A2ML1: variants seen among roughly 807,000 people sequenced by gnomAD.
The protein encoded by A2ML1 is alpha-2-macroglobulin-like protein 1.
In A2ML1, 161 loss-of-function variants were observed where a neutral mutation model predicts 181.9. The ratio of observed to expected loss-of-function variants is 0.89; its 90% confidence interval spans 0.78 to 1.01. The LOEUF (loss-of-function observed/expected upper bound fraction) is 1.01, where lower values mean the gene tolerates loss of function less well. Ranked by LOEUF, A2ML1 falls within the 50% of genes least tolerant of loss-of-function variation. A2ML1 has a pLI of 0.00. For missense variants in A2ML1, 1,670 were observed against 1,768.1 expected (o/e 0.94, Z 1.00); for synonymous variants, 663 against 666.8 (o/e 0.99, Z 0.09).
chr12:8,840,998 G>GGAAA (rs1943455270), intron 10 of A2ML1, among the ~76,000 whole-genome samples: 1 of 103,716 alleles, frequency 9.6e-6, no homozygotes, highest in South Asian at 5.3e-4. Flanking sequence ...AAGGAAGGAA[G>GGAAA]GAAGGAAGGA....
chr12:8,828,537 C>T (rs1943004557), intron 3 of A2ML1, among the ~76,000 whole-genome samples: 1 of 152,144 alleles, frequency 6.6e-6, no homozygotes, highest in Non-Finnish European at 1.5e-5. Context: ...CCAGAAATGG[C>T]ATCCAAGAGC....
In A2ML1 at chr12:8,869,219, C is replaced by T; in HGVS notation, c.4221+16C>T. 1.9e-6 allele frequency: 3 copies of T among 1,613,406 alleles called. No individual in the cohort carries two copies. The highest frequency in any genetic ancestry group is 1.1e-5 in the South Asian group (1 of 91,054). ...CTTGGATGAGGTAGGTATTCAGGAA[C>T]CAGATCAAAGAGCTGGATTGCTTAC... On this transcript the variant is annotated intron_variant, in intron 33 of 35. Transcript: ENST00000299698.
downstream of A2ML1, among the ~76,000 whole-genome samples, chr12:8,879,091 C>G (rs1409745177): frequency 1.3e-5 from 2 of 152,116 alleles, no homozygotes; most frequent in Non-Finnish European, 2.9e-5. Flanking sequence ...CCTGGTCCTT[C>G]TAGGAGTTCC....
chr12:8,826,163 A>G (rs112994017), intron 3 of A2ML1, among the ~76,000 whole-genome samples: 4,852 of 152,244 alleles, frequency 0.032, 277 homozygotes, highest in African/African-American at 0.11. Context: ...TGTCATTAGT[A>G]TTCTGATAGG....
Position 8,848,864 on chromosome 12 carries a change from A to T in A2ML1, c.1978A>T (p.Ile660Phe), listed in dbSNP as rs752313895. 6.2e-7 allele frequency: 1 copy of T among 1,614,112 alleles called. No homozygotes were observed. The change falls in exon 16 of 36, where the codon ATC (isoleucine) becomes TTC (phenylalanine). Residue 660 changes from isoleucine (I) to phenylalanine (F), a missense_variant. Coordinates refer to ENST00000299698, the MANE Select transcript of A2ML1 (RefSeq NM_144670.6). ...PQGHSSQRSIIWRPSFSEGTD... is the reference protein window; with the variant it reads ...PQGHSSQRSIFWRPSFSEGTD... ...AGGGCATTCGAGCCAGCGTTCCATT[A>T]TCTGGAGGCCCTCGTTCTCTGAAGG...
At chr12:8,884,450 G>A (rs886823540) in intron 7 of A2ML1, among the ~76,000 whole-genome samples, 1 of 151,608 alleles carries the variant, frequency 6.6e-6, no homozygotes, top group Non-Finnish European at 1.5e-5. Flanking sequence ...AGACTCCAGT[G>A]TCTGTTTTTC....
At chr12:8,842,085 A>G (rs1194164379) in intron 11 of A2ML1, among the ~76,000 whole-genome samples, 1 of 152,250 alleles carries the variant, frequency 6.6e-6, no homozygotes. Context: ...TCGGCTGGCC[A>G]TAAGCTGCTG....
At chr12:8,860,819 G>A in intron 26 of A2ML1, 62 bp from the exon 27 acceptor site, 3 of 1,415,686 alleles carry the variant, frequency 2.1e-6, no homozygotes, top group Non-Finnish European at 2.0e-6. Context: ...TTTGCAATCT[G>A]CACATAATTC....
intron 13 of A2ML1, among the ~76,000 whole-genome samples, chr12:8,845,713 C>G (rs1026248691): frequency 4.0e-5 from 6 of 151,636 alleles, no homozygotes; most frequent in Non-Finnish European, 5.9e-5. Context: ...AGCCGGACGT[C>G]GGGGCGGGCC....
At chr12:8,842,361 G>A (rs1020328634) in intron 11 of A2ML1, among the ~76,000 whole-genome samples, 2 of 151,676 alleles carry the variant, frequency 1.3e-5, no homozygotes, top group Non-Finnish European at 1.5e-5. Context: ...TGGGACTACA[G>A]GCGCCTGCCA....
At chr12:8,832,247 G>T (rs1461721881) in intron 4 of A2ML1, among the ~76,000 whole-genome samples, 1 of 152,058 alleles carries the variant, frequency 6.6e-6, no homozygotes. Context: ...CTGAATGCAG[G>T]GTCTGCAGAA....
intron 29 of A2ML1, among the ~76,000 whole-genome samples, chr12:8,866,356 A>T (rs7966067): frequency 0.48 from 69,592 of 144,630 alleles, 17,378 homozygotes; most frequent in Middle Eastern, 0.57. Flanking sequence ...TATGGTAATG[A>T]CTTAATTGAA....
At chr12:8,858,916 G>T (rs7488933) in intron 26 of A2ML1, among the ~76,000 whole-genome samples, 67,494 of 151,726 alleles carry the variant, frequency 0.44, 15,648 homozygotes, top group East Asian at 0.77. Context: ...ACTCTATTGG[G>T]CACTATTCTA....
intron 7 of A2ML1, among the ~76,000 whole-genome samples, chr12:8,882,882 T>C (rs1459942465): frequency 1.3e-5 from 2 of 152,160 alleles, no homozygotes; most frequent in African/African-American, 4.8e-5. Flanking sequence ...AAAGTTCTAT[T>C]CCTGTTCATG....
At chr12:8,871,828 CCA>C (rs148395607) in intron 33 of A2ML1, among the ~76,000 whole-genome samples, 1 of 151,024 alleles carries the variant, frequency 6.6e-6, no homozygotes, top group Non-Finnish European at 1.5e-5. Context: ...TCCCCCACCG[CCA>C]CACACACACA....
Position 8,823,348 on chromosome 12 carries a change from C to G in A2ML1, c.229C>G (p.His77Asp), listed in dbSNP as rs1294106204. The G allele has an allele frequency of 1.2e-6, 2 of 1,613,700 alleles. No individual in the cohort carries two copies. Among genetic ancestry groups the G allele is most frequent in the East Asian group, 2.2e-5 (1 of 44,894 alleles). Residue 77 changes from histidine (H) to aspartate (D), a missense_variant, in exon 2 of 36, where the codon CAT becomes GAT. Coordinates refer to ENST00000299698, the MANE Select transcript of A2ML1 (RefSeq NM_144670.6). ...CTCTGGACTGAAGAAGAGGCACTTACATTGTATCTCCTTTCTTGTAAGCAC... is the reference window on the plus strand; with the variant it reads ...CTCTGGACTGAAGAAGAGGCACTTAGATTGTATCTCCTTTCTTGTAAGCAC... ...EYSGLKKRHL[H>D]CISFLVPPPA...
downstream of A2ML1, among the ~76,000 whole-genome samples, chr12:8,878,245 A>G (rs1944833935): frequency 6.6e-6 from 1 of 152,030 alleles, no homozygotes; most frequent in African/African-American, 2.4e-5. This position sits in a 1 kb window ranked among gnomAD's most constrained non-coding sequence, Gnocchi z 4.4. Context: ...GGAGGTTGCA[A>G]TGAGCCGAGA....
At chr12:8,844,276 T>A (rs1055592855) in intron 12 of A2ML1, among the ~76,000 whole-genome samples, 5 of 150,334 alleles carry the variant, frequency 3.3e-5, no homozygotes, top group African/African-American at 7.3e-5. Context: ...TTTTTTTTTT[T>A]AATTTATATG....
Position 8,857,221 on chromosome 12 carries a change from G to A in A2ML1, c.2906G>A (p.Gly969Asp). 2 of 1,613,134 alleles carry A rather than the reference G, an allele frequency of 1.2e-6. No homozygotes were observed. The highest frequency in any genetic ancestry group is 1.7e-6 in the Non-Finnish European group (2 of 1,180,018). ...NLDGLVQMPS[G>D]CGEQNMVLFA... is the part of the protein sequence containing the mutation. Reference sequence around the variant, plus strand: ...GATGGTCTGGTGCAGATGCCCAGTGGCTGTGGCGAGCAGAACATGGTCTTG... The same window carrying A: ...GATGGTCTGGTGCAGATGCCCAGTGACTGTGGCGAGCAGAACATGGTCTTG... Residue 969 changes from glycine (G) to aspartate (D), a missense_variant, in exon 24 of 36, where the codon GGC (glycine) becomes GAC (aspartate). Gly to Asp is a moderately conservative substitution (Grantham distance 94). Transcript: ENST00000299698.
Sources: allele counts gnomAD v4.1 joint callset (sites outside exome capture counted in the v4.1 genomes callset), GRCh38; gene constraint gnomAD v4.1.1; non-coding constraint Gnocchi (gnomAD v3.1); transcripts MANE v1.5; gene names NCBI Gene and HGNC (gene_info 2026-07-23, HGNC 2026-07-21).